Variants in PPP2R2B observed in about 807,000 individuals in gnomAD.
The protein encoded by PPP2R2B is protein phosphatase 2 regulatory subunit Bbeta.
PPP2R2B carries 5 observed loss-of-function variants against 46.0 expected under a neutral mutation model. The ratio of observed to expected loss-of-function variants is 0.11; its 90% CI spans 0.06 to 0.23. The LOEUF (loss-of-function observed/expected upper bound fraction) is 0.23. Among genes scored for constraint, PPP2R2B ranks in the 10% least tolerant of loss-of-function variants. The pLI, the probability that PPP2R2B is intolerant of heterozygous loss-of-function variation, is 1.00. For missense variants in PPP2R2B, 367 were observed against 575.0 expected (o/e 0.64, Z 3.70); for synonymous variants, 215 against 206.7 (o/e 1.04, Z -0.34).
intron 2 of PPP2R2B, among the ~76,000 whole-genome samples, chr5:147,063,632 C>A (rs1456199329): frequency 1.3e-5 from 2 of 152,170 alleles, no homozygotes; most frequent in Non-Finnish European, 2.9e-5. Context: ...CCAGACATCT[C>A]TGCATTTTAA....
At chr5:146,883,816 T>C (rs1219551374) in intron 1 of PPP2R2B, among the ~76,000 whole-genome samples, 1 of 152,232 alleles carries the variant, frequency 6.6e-6, no homozygotes, top group Non-Finnish European at 1.5e-5. Context: ...GAAAACCTCT[T>C]GCCCTCAAAG....
At chr5:146,623,612 CA>C (rs1405455042) in intron 7 of PPP2R2B, among the ~76,000 whole-genome samples, 1 of 152,120 alleles carries the variant, frequency 6.6e-6, no homozygotes, top group Non-Finnish European at 1.5e-5. Flanking sequence ...TCAAATGGCA[CA>C]AAAAATGTCA....
chr5:146,698,961 A>C (rs928898909), intron 3 of PPP2R2B, among the ~76,000 whole-genome samples: 1 of 152,150 alleles, frequency 6.6e-6, no homozygotes, highest in Non-Finnish European at 1.5e-5. Flanking sequence ...AGAAAGGAAG[A>C]GAGGAGAAAA....
chr5:146,905,338 G>A (rs1225681496), intron 1 of PPP2R2B, among the ~76,000 whole-genome samples: 1 of 152,168 alleles, frequency 6.6e-6, no homozygotes. Flanking sequence ...TTATTAGGGA[G>A]AAATAAAAGC....
chr5:146,855,737 T>C (rs947216055), intron 2 of PPP2R2B, among the ~76,000 whole-genome samples: 2 of 152,172 alleles, frequency 1.3e-5, no homozygotes, highest in Non-Finnish European at 2.9e-5. Flanking sequence ...TAAATCAAAA[T>C]ACAGTTCTTT....
Position 146,860,189 on chromosome 5 carries a change from A to G in PPP2R2B, c.70+17813T>C, listed in dbSNP as rs75722045. ...TCATCTTAAAACGTTTTACAGGTCC[A>G]CACAAACAGGTAAAACAAAAGCCAT... is the stretch of plus-strand genomic sequence containing the variant. On this transcript the variant is annotated intron_variant, in intron 2 of 9. Coordinates refer to ENST00000394411, the MANE Select transcript of PPP2R2B (RefSeq NM_181675.4). Among the ~76,000 whole-genome samples, 322 of 152,320 alleles carry G rather than the reference A, an allele frequency of 2.1e-3. 10 individuals carry two copies. The East Asian group carries it at 0.051, about 24-fold the overall frequency.
intron 1 of PPP2R2B, among the ~76,000 whole-genome samples, chr5:147,012,936 T>C (rs1045980055): frequency 7.2e-5 from 11 of 152,114 alleles, no homozygotes; most frequent in Non-Finnish European, 1.5e-5. Flanking sequence ...TGCACTGTGG[T>C]CTGAGAGATA....
chr5:146,638,527 T>TA, intron 6 of PPP2R2B, 112 bp from the exon 7 acceptor site: 1 of 1,016,760 alleles, frequency 9.8e-7, no homozygotes. Flanking sequence ...ACATTTGCTA[T>TA]GCACATGGTA....
chr5:146,937,082 A>G (rs899068972), intron 1 of PPP2R2B, among the ~76,000 whole-genome samples: 1 of 152,086 alleles, frequency 6.6e-6, no homozygotes, highest in African/African-American at 2.4e-5. Context: ...CGGGCGGATG[A>G]CCTGAGGTCG....
intron 1 of PPP2R2B, among the ~76,000 whole-genome samples, chr5:146,992,873 A>T (rs2151862961): frequency 6.6e-6 from 1 of 152,358 alleles, no homozygotes; most frequent in African/African-American, 2.4e-5. Context: ...TAGGATCAAG[A>T]AAAGCTGTGG....
chr5:147,053,545 A>AACACACACAC (rs5872002), intron 1 of PPP2R2B, among the ~76,000 whole-genome samples: 10,322 of 148,360 alleles, frequency 0.07, 500 homozygotes, highest in African/African-American at 0.15. Flanking sequence ...CAACAATATA[A>AACACACACAC]ACACACACAC....
rs1465049711 is a variant in PPP2R2B, at chr5:146,620,730, C to T, written c.790+17521G>A. Among the ~76,000 whole-genome samples, 8 of 152,138 alleles carry T rather than the reference C, an allele frequency of 5.3e-5. No homozygotes were observed. In the South Asian group the frequency reaches 6.2e-4, roughly 12 times the overall value. ...GACTTCTTGTCTGCCTCCTTTCTCACGTCTCTCCCCCTGAGATAGCATGCT... is the reference window on the plus strand; with the variant it reads ...GACTTCTTGTCTGCCTCCTTTCTCATGTCTCTCCCCCTGAGATAGCATGCT... On this transcript the variant is annotated intron_variant, in intron 7 of 9. Coordinates refer to ENST00000394411, the MANE Select transcript of PPP2R2B (RefSeq NM_181675.4).
At position 146,774,410 on chromosome 5, in the gene PPP2R2B, A is replaced by G. The variant is rs531842662; in HGVS notation, c.71-73268T>C. ...ATGTCAGAAAGGTTCTTGGATCCAG[A>G]TTTTAGTAAAAATCAAGGAAAACCT... is the stretch of plus-strand genomic sequence containing the variant. On this transcript the variant is annotated intron_variant, in intron 2 of 9. Coordinates refer to ENST00000394411, the MANE Select transcript of PPP2R2B (RefSeq NM_181675.4). 2.0e-5 allele frequency among the ~76,000 whole-genome samples: 3 copies of G among 152,296 alleles called. No homozygotes were observed. The South Asian group carries it at 6.2e-4, about 32-fold the overall frequency.
intron 2 of PPP2R2B, among the ~76,000 whole-genome samples, chr5:146,727,768 G>A (rs200943583): frequency 1.3e-5 from 2 of 152,258 alleles, no homozygotes; most frequent in East Asian, 3.9e-4. Context: ...TAATCACCAA[G>A]TTGTGCAGAT....
intron 1 of PPP2R2B, among the ~76,000 whole-genome samples, chr5:146,916,867 G>C (rs759683518): frequency 6.6e-6 from 1 of 152,142 alleles, no homozygotes; most frequent in Non-Finnish European, 1.5e-5. Context: ...CACTGATATA[G>C]CTCTGCCTCT....
intron 2 of PPP2R2B, among the ~76,000 whole-genome samples, chr5:146,868,835 C>T (rs1761458325): frequency 6.6e-6 from 1 of 152,070 alleles, no homozygotes. Flanking sequence ...GAATTTTTGC[C>T]AAGTTTAAGA....
chr5:146,779,625 A>G (rs183966722), intron 2 of PPP2R2B, among the ~76,000 whole-genome samples: 403 of 152,244 alleles, frequency 2.6e-3, no homozygotes, highest in African/African-American at 9.2e-3. Flanking sequence ...GTCTATTACA[A>G]CTATGTTCCT....
intron 1 of PPP2R2B, among the ~76,000 whole-genome samples, chr5:146,957,780 A>C (rs76069075): frequency 0.011 from 1,694 of 152,258 alleles, 32 homozygotes; most frequent in African/African-American, 0.039. Context: ...TCAGTTTCTA[A>C]GTTGTGCAAA....
rs1297749515 is a variant in PPP2R2B, at chr5:147,063,690, A to T, written c.50+17369T>A. Reference sequence around the variant, plus strand: ...AGGAACCAATATTCTGATATGAAACAATATTTTAAAAGGATTGCTGTGACT... The same window carrying T: ...AGGAACCAATATTCTGATATGAAACTATATTTTAAAAGGATTGCTGTGACT... On this transcript the variant is annotated intron_variant, in intron 2 of 10. Coordinates refer to the PPP2R2B transcript ENST00000394413. 2.6e-5 allele frequency among the ~76,000 whole-genome samples: 4 copies of T among 152,318 alleles called. No homozygotes were observed. The East Asian group carries it at 7.7e-4, about 29-fold the overall frequency.
Sources: allele counts gnomAD v4.1 joint callset (sites outside exome capture counted in the v4.1 genomes callset), GRCh38; gene constraint gnomAD v4.1.1; transcripts MANE v1.5; gene names NCBI Gene and HGNC (gene_info 2026-07-23, HGNC 2026-07-21).